TVP23A: variants seen among roughly 807,000 people sequenced by gnomAD.
The protein encoded by TVP23A is Golgi apparatus membrane protein TVP23 homolog A.
TVP23A carries 21 observed loss-of-function variants against 31.7 expected under a neutral mutation model. The observed-to-expected ratio is 0.66, with a 90% CI of 0.47 to 0.95. The LOEUF is 0.95. Among genes scored for constraint, TVP23A ranks in the 40% least tolerant of loss-of-function variants. The pLI is 0.00. For synonymous variants in TVP23A, 104 were observed against 96.0 expected (o/e 1.08, Z -0.49); for missense variants, 279 against 255.6 (o/e 1.09, Z -0.62).
intron 2 of TVP23A, among the ~76,000 whole-genome samples, chr16:10,814,652 C>T (rs2034355686): frequency 6.6e-6 from 1 of 152,224 alleles, no homozygotes; most frequent in Admixed American, 6.5e-5. Context: ...TGGAACTGCC[C>T]TGCCCAATGC....
downstream of TVP23A, among the ~76,000 whole-genome samples, chr16:10,762,590 C>A (rs1332676701): frequency 6.6e-6 from 1 of 152,148 alleles, no homozygotes; most frequent in Non-Finnish European, 1.5e-5. Context: ...TTTAGTGGGG[C>A]TCCTGCGGGG....
chr16:10,807,828 A>G (rs774423404), intron 2 of TVP23A, among the ~76,000 whole-genome samples: 1 of 152,122 alleles, frequency 6.6e-6, no homozygotes, highest in African/African-American at 2.4e-5. Context: ...TCTGCGCACA[A>G]TGTAATGTAA....
At chr16:10,770,191 C>A in intron 7 of TVP23A, 81 bp downstream of exon 7, 8 of 1,522,098 alleles carry the variant, frequency 5.3e-6, no homozygotes, top group Non-Finnish European at 7.1e-6. Context: ...CCCACCCAGA[C>A]CCCGGGCCCC....
At chr16:10,808,779 C>T (rs771127382) in intron 2 of TVP23A, among the ~76,000 whole-genome samples, 1 of 151,992 alleles carries the variant, frequency 6.6e-6, no homozygotes, top group Admixed American at 6.6e-5. Context: ...CTTATCCCCC[C>T]ACAACTCCCC....
intron 2 of TVP23A, among the ~76,000 whole-genome samples, chr16:10,802,864 T>C (rs934917809): frequency 3.3e-5 from 5 of 152,232 alleles, no homozygotes; most frequent in African/African-American, 1.2e-4. Context: ...GTGCTCCACA[T>C]AATCACGAAT....
At chr16:10,806,749 G>A (rs964724815) in intron 2 of TVP23A, among the ~76,000 whole-genome samples, 2 of 152,096 alleles carry the variant, frequency 1.3e-5, no homozygotes, top group Non-Finnish European at 2.9e-5. Context: ...CAACCCACCC[G>A]CCTCAGCCTT....
intron 2 of TVP23A, among the ~76,000 whole-genome samples, chr16:10,782,933 C>G (rs886250107): frequency 6.6e-6 from 1 of 152,102 alleles, no homozygotes; most frequent in African/African-American, 2.4e-5. Context: ...ACATTAGGCT[C>G]CCTTCAAAAC....
At chr16:10,804,902 A>G (rs2033872406) in intron 2 of TVP23A, among the ~76,000 whole-genome samples, 1 of 152,054 alleles carries the variant, frequency 6.6e-6, no homozygotes, top group African/African-American at 2.4e-5. Context: ...CCATCACTCC[A>G]AAGCAAAACC....
chr16:10,768,976 C>G lies in TVP23A; in HGVS notation c.*126G>C, dbSNP rs1186663886. On this transcript the variant is annotated 3_prime_UTR_variant, in exon 8 of 8. Coordinates refer to ENST00000299866, the MANE Select transcript of TVP23A (RefSeq NM_001079512.4). This position sits in a 1 kb window ranked among gnomAD's most constrained non-coding sequence, Gnocchi z 4.3. Reference sequence around the variant, plus strand: ...CACCCCTGTCAAAACACAGCCCTCCCCAGCACAGGACAGGGCTGTCAAGGG... The same window carrying G: ...CACCCCTGTCAAAACACAGCCCTCCGCAGCACAGGACAGGGCTGTCAAGGG... 5.0e-6 allele frequency: 7 copies of G among 1,413,164 alleles called. No homozygotes were observed. The South Asian group carries it at 5.8e-5, about 12-fold the overall frequency. The allele number at this position is 1,413,164 out of a possible 1,614,324, so 87.5% of individuals were successfully genotyped here. A position where few individuals can be genotyped will look rare whatever the true frequency, so the allele number is the denominator to read the frequency against.
chr16:10,775,194 G>C, intron 2 of TVP23A, 98 bp from the exon 3 acceptor site: 1 of 1,493,638 alleles, frequency 6.7e-7, no homozygotes. Flanking sequence ...GTGTTAGCGT[G>C]GCTCAATGGA....
At position 10,775,421 on chromosome 16, in the gene TVP23A, G is replaced by A. The variant is rs968238501; in HGVS notation, c.90-325C>T. ...ACGTGACAGCAGTCACTGCCTTCCCGCCTAGCAGAGATGACGGCCAGTTCC... is the reference window on the plus strand; with the variant it reads ...ACGTGACAGCAGTCACTGCCTTCCCACCTAGCAGAGATGACGGCCAGTTCC... On this transcript the variant is annotated intron_variant, in intron 2 of 7. Coordinates refer to ENST00000299866, the MANE Select transcript of TVP23A (RefSeq NM_001079512.4). 3.6e-5 allele frequency: 40 copies of A among 1,115,232 alleles called. No homozygotes were observed. In the Admixed American group the frequency reaches 7.4e-4, roughly 21 times the overall value. 69.1% of individuals were successfully genotyped at this position (1,115,232 alleles called of 1,614,324 possible).
At chr16:10,766,554 G>GCGAA (rs2030901965), downstream of TVP23A, 1 of 162,416 alleles carries the variant, frequency 6.2e-6, no homozygotes, top group Non-Finnish European at 1.3e-5. This position sits in a 1 kb window ranked among gnomAD's most constrained non-coding sequence, Gnocchi z 4.8. Flanking sequence ...GTCTGGCCCA[G>GCGAA]CGAACGTGCA....
chr16:10,800,841 C>G (rs574018145), intron 2 of TVP23A, among the ~76,000 whole-genome samples: 1 of 151,956 alleles, frequency 6.6e-6, no homozygotes, highest in African/African-American at 2.4e-5. Flanking sequence ...TTTTTAAAAA[C>G]TTAGCCAGGC....
intron 2 of TVP23A, among the ~76,000 whole-genome samples, chr16:10,804,023 A>T (rs1378007958): frequency 4.6e-5 from 7 of 152,232 alleles, no homozygotes; most frequent in African/African-American, 1.7e-4. Flanking sequence ...TGTTTTAAAG[A>T]TCTAAGGACA....
chr16:10,782,720 T>G (rs957604008), intron 2 of TVP23A, among the ~76,000 whole-genome samples: 1 of 152,092 alleles, frequency 6.6e-6, no homozygotes, highest in African/African-American at 2.4e-5. Flanking sequence ...CCCAGGCTGG[T>G]CTCAAATTCC....
At chr16:10,817,433 T>C (rs370256870) in intron 2 of TVP23A, among the ~76,000 whole-genome samples, 3 of 152,292 alleles carry the variant, frequency 2.0e-5, no homozygotes, top group East Asian at 3.9e-4. Flanking sequence ...TTTCTAGAAG[T>C]GGCTGCCGCC....
chr16:10,793,310 C>T (rs566254126), intron 2 of TVP23A, among the ~76,000 whole-genome samples: 159 of 152,126 alleles, frequency 1.0e-3, no homozygotes, highest in African/African-American at 3.6e-3. Context: ...AGAGACATAT[C>T]GACTCTAGAG....
intron 2 of TVP23A, among the ~76,000 whole-genome samples, chr16:10,798,629 G>C (rs928860917): frequency 1.3e-5 from 2 of 151,294 alleles, no homozygotes; most frequent in Admixed American, 1.3e-4. Context: ...TTTGAGATTA[G>C]GTTATCAACG....
chr16:10,792,507 C>CGG (rs1440967469), intron 2 of TVP23A, among the ~76,000 whole-genome samples: 1 of 152,192 alleles, frequency 6.6e-6, no homozygotes, highest in Non-Finnish European at 1.5e-5. Context: ...TGCACTTTAA[C>CGG]GAGTCTCCCG....
Sources: allele counts gnomAD v4.1 joint callset (sites outside exome capture counted in the v4.1 genomes callset), GRCh38; gene constraint gnomAD v4.1.1; non-coding constraint Gnocchi (gnomAD v3.1); transcripts MANE v1.5; gene names NCBI Gene and HGNC (gene_info 2026-07-23, HGNC 2026-07-21).